IL17B: variants seen among roughly 807,000 people sequenced by gnomAD.
IL17B encodes interleukin-17B.
IL17B carries 14 observed loss-of-function variants against 14.7 expected under a neutral mutation model. The ratio of observed to expected loss-of-function variants is 0.95; its 90% CI spans 0.63 to 1.49. The LOEUF (loss-of-function observed/expected upper bound fraction) is 1.49. Ranked by LOEUF, IL17B falls within the 40% of genes most tolerant of loss-of-function variation. The pLI is 0.00. For missense variants in IL17B, 233 were observed against 252.8 expected, an observed-to-expected ratio of 0.92 and a Z score of 0.53; for synonymous variants, 105 against 94.8, an observed-to-expected ratio of 1.11 and a Z score of -0.62.
At chr5:149,392,995 T>C (rs1383085346) in intron 1 of IL17B, among the ~76,000 whole-genome samples, 1 of 150,348 alleles carries the variant, frequency 6.7e-6, no homozygotes, top group East Asian at 1.9e-4. Flanking sequence ...TGTGCGTGTG[T>C]GTGCTGCGTG....
intron 1 of IL17B, among the ~76,000 whole-genome samples, chr5:149,399,861 A>T (rs1759173220): frequency 6.6e-6 from 1 of 152,198 alleles, no homozygotes; most frequent in Non-Finnish European, 1.5e-5. Flanking sequence ...GATTTAGGTC[A>T]GGGGTTTGGT....
intron 1 of IL17B, among the ~76,000 whole-genome samples, chr5:149,395,929 T>G (rs779575938): frequency 2.0e-5 from 3 of 151,778 alleles, no homozygotes; most frequent in Non-Finnish European, 4.4e-5. Flanking sequence ...CACCTCGGCT[T>G]CCCCAGAGTA....
chr5:149,398,982 A>G lies in IL17B; in HGVS notation n.95+5126T>C, dbSNP rs114863936. Among the ~76,000 whole-genome samples, 1,003 of 152,364 alleles carry G rather than the reference A, an allele frequency of 6.6e-3. 10 individuals are homozygous for G. The highest frequency in any genetic ancestry group is 0.023 in the African/African-American group (950 of 41,588). Reference sequence around the variant, plus strand: ...TGGCAGAAGGTGAAAGGCACTTCTTACGTGGCAGCAGCAAGAGAGAAGAGT... The same window carrying G: ...TGGCAGAAGGTGAAAGGCACTTCTTGCGTGGCAGCAGCAAGAGAGAAGAGT... On this transcript the variant is annotated intron_variant and non_coding_transcript_variant, in intron 1 of 2. Transcript: ENST00000505432.
chr5:149,396,842 C>G (rs191439315), intron 1 of IL17B, among the ~76,000 whole-genome samples: 64 of 152,322 alleles, frequency 4.2e-4, no homozygotes, highest in Admixed American at 4.2e-3. Context: ...ATCTCAATAT[C>G]AGCAAGTGCC....
At chr5:149,400,952 C>T (rs1759193831) in intron 1 of IL17B, among the ~76,000 whole-genome samples, 1 of 152,228 alleles carries the variant, frequency 6.6e-6, no homozygotes, top group African/African-American at 2.4e-5. Flanking sequence ...GGACTAGATG[C>T]TGCCCCTCTG....
chr5:149,383,569 T>C (rs1174528658), upstream of IL17B, among the ~76,000 whole-genome samples: 1 of 152,146 alleles, frequency 6.6e-6, no homozygotes, highest in Non-Finnish European at 1.5e-5. Flanking sequence ...CCCTCCCTGG[T>C]AGGAGTCCTT....
upstream of IL17B, among the ~76,000 whole-genome samples, chr5:149,381,425 A>C (rs1758692525): frequency 1.3e-5 from 2 of 152,320 alleles, no homozygotes; most frequent in South Asian, 2.1e-4. Context: ...GGAGACTTGG[A>C]TAAGGGAGGG....
chr5:149,376,728 C>G lies in IL17B; in HGVS notation c.311+8G>C. 6.3e-7 allele frequency: 1 copy of G among 1,595,076 alleles called. No homozygotes were observed. Among genetic ancestry groups the G allele is most frequent in the South Asian group, 1.1e-5 (1 of 87,404 alleles). On this transcript the variant is annotated splice_region_variant and intron_variant, in intron 2 of 2. Transcript: ENST00000261796. Reference sequence around the variant, plus strand: ...CCAAAGACAGCTTGCCACCACTGCCCAGCCTACCTGTAGCCCCAGGGAGAC... The same window carrying G: ...CCAAAGACAGCTTGCCACCACTGCCGAGCCTACCTGTAGCCCCAGGGAGAC...
intron 1 of IL17B, among the ~76,000 whole-genome samples, chr5:149,402,896 G>C (rs926113946): frequency 3.3e-5 from 5 of 150,298 alleles, no homozygotes; most frequent in Non-Finnish European, 1.5e-5. Flanking sequence ...CCAGCTACTT[G>C]GGAGGCTGAG....
chr5:149,383,542 C>T (rs903661833), upstream of IL17B, among the ~76,000 whole-genome samples: 2 of 152,168 alleles, frequency 1.3e-5, no homozygotes, highest in African/African-American at 4.8e-5. Flanking sequence ...GGCTCTCCTG[C>T]CATGCTGCCC....
intron 1 of IL17B, among the ~76,000 whole-genome samples, chr5:149,400,653 T>C (rs1228169738): frequency 6.6e-6 from 1 of 152,158 alleles, no homozygotes; most frequent in Non-Finnish European, 1.5e-5. Flanking sequence ...ACGGGATATA[T>C]AGAGACACAG....
At chr5:149,404,074 C>T (rs1249974010) in intron 1 of IL17B, 8 of 152,302 alleles carry the variant, frequency 5.3e-5, no homozygotes, top group African/African-American at 1.4e-4. Context: ...CAGGAACCTC[C>T]CTTCACCTCC....
At chr5:149,403,495 C>T (rs1000514062) in intron 1 of IL17B, among the ~76,000 whole-genome samples, 1 of 152,192 alleles carries the variant, frequency 6.6e-6, no homozygotes, top group Admixed American at 6.5e-5. Flanking sequence ...CTCCCACATA[C>T]CAACTCTACC....
intron 1 of IL17B, among the ~76,000 whole-genome samples, chr5:149,402,874 A>G (rs945139925): frequency 6.6e-5 from 10 of 151,270 alleles, no homozygotes; most frequent in African/African-American, 2.4e-4. Flanking sequence ...GTGGTGGCAC[A>G]TACCTGTAGT....
chr5:149,394,987 T>C (rs1028721901), intron 1 of IL17B, among the ~76,000 whole-genome samples: 1 of 152,186 alleles, frequency 6.6e-6, no homozygotes, highest in Non-Finnish European at 1.5e-5. Context: ...ACAAACGTAA[T>C]ACCTGATAGA....
chr5:149,378,298 C>T (rs1313538734), intron 1 of IL17B, among the ~76,000 whole-genome samples: 1 of 152,178 alleles, frequency 6.6e-6, no homozygotes, highest in Non-Finnish European at 1.5e-5. Flanking sequence ...AGCCTTCCCT[C>T]TTCCAGCCAT....
At chr5:149,386,574 A>C (rs1379207162) in intron 1 of IL17B, among the ~76,000 whole-genome samples, 1 of 152,108 alleles carries the variant, frequency 6.6e-6, no homozygotes, top group Non-Finnish European at 1.5e-5. Flanking sequence ...GATGTTCTAT[A>C]AGTTTCTAGG....
intron 1 of IL17B, among the ~76,000 whole-genome samples, chr5:149,390,315 A>G (rs1275583104): frequency 2.0e-5 from 3 of 151,498 alleles, no homozygotes; most frequent in African/African-American, 7.3e-5. Flanking sequence ...AGGAGGCAAC[A>G]GGTGGGGACT....
upstream of IL17B, among the ~76,000 whole-genome samples, chr5:149,381,551 G>A (rs1271649373): frequency 6.6e-6 from 1 of 152,224 alleles, no homozygotes; most frequent in Non-Finnish European, 1.5e-5. Flanking sequence ...GCCAGGCTGG[G>A]CCTCCTTGCT....
Sources: gnomAD v4.1 joint callset for allele counts (sites outside exome capture counted in the v4.1 genomes callset) on GRCh38, gnomAD v4.1.1 for gene constraint, MANE v1.5 for transcripts, NCBI Gene and HGNC (gene_info 2026-07-23, HGNC 2026-07-21) for gene names.